Variants in TGM3 observed in about 807,000 individuals in gnomAD.
The protein encoded by TGM3 is transglutaminase 3.
A neutral mutation model predicts 73.8 loss-of-function variants in TGM3; 52 were observed. The observed-to-expected ratio is 0.70, with a 90% confidence interval of 0.56 to 0.89. The LOEUF (loss-of-function observed/expected upper bound fraction) is 0.89, where lower values mean the gene tolerates loss of function less well. TGM3 is among the 40% of genes least tolerant of loss of function. The pLI is 0.00. For missense variants in TGM3, 928 were observed against 909.9 expected (o/e 1.02, Z -0.26); for synonymous variants, 372 against 354.9 (o/e 1.05, Z -0.54).
chr20:2,340,315 C>T (rs2084374368), intron 12 of TGM3, 119 bp from the exon 13 acceptor site: 2 of 1,431,896 alleles, frequency 1.4e-6, no homozygotes, highest in Admixed American at 2.0e-5. Context: ...CTAGAGGGAG[C>T]TAAAGAAGCA....
At chr20:2,326,848 A>G (rs1451467213) in intron 8 of TGM3, among the ~76,000 whole-genome samples, 2 of 110,172 alleles carry the variant, frequency 1.8e-5, no homozygotes, top group Non-Finnish European at 3.2e-5. Flanking sequence ...GACTCCGTCT[A>G]AAAAAAAAAA....
chr20:2,313,118 T>G, intron 5 of TGM3, 92 bp downstream of exon 5: 1 of 1,539,326 alleles, frequency 6.5e-7, no homozygotes. Flanking sequence ...ATATGTCATC[T>G]CATTAAAGCC....
chr20:2,304,297 G>A (rs1341367296), intron 1 of TGM3, among the ~76,000 whole-genome samples: 1 of 152,164 alleles, frequency 6.6e-6, no homozygotes, highest in Non-Finnish European at 1.5e-5. Context: ...GGGACAGGAC[G>A]ATGACTGAGG....
chr20:2,322,705 G>T (rs2084268357), intron 7 of TGM3, among the ~76,000 whole-genome samples: 1 of 152,090 alleles, frequency 6.6e-6, no homozygotes, highest in Non-Finnish European at 1.5e-5. Context: ...GTTGAATGGG[G>T]AATAATAATC....
At chr20:2,331,895 C>T in intron 9 of TGM3, 107 bp from the exon 10 acceptor site, 17 of 1,311,424 alleles carry the variant, frequency 1.3e-5, no homozygotes, top group Non-Finnish European at 1.8e-5. Flanking sequence ...GCTAGGGCAG[C>T]AATGGAGCCA....
chr20:2,340,040 G>GA (rs1432135324), intron 12 of TGM3, 53 bp downstream of exon 12: 25 of 944,862 alleles, frequency 2.6e-5, no homozygotes, highest in Admixed American at 1.7e-4. Flanking sequence ...GGGCGGGGGG[G>GA]CCCTCCAGAT....
intron 1 of TGM3, among the ~76,000 whole-genome samples, chr20:2,307,496 A>G (rs974423565): frequency 6.6e-6 from 1 of 151,796 alleles, no homozygotes; most frequent in African/African-American, 2.4e-5. Flanking sequence ...ACCCGGCAAA[A>G]TTCTCTCTCC....
intron 7 of TGM3, among the ~76,000 whole-genome samples, chr20:2,318,577 G>A (rs1391168669): frequency 1.3e-5 from 2 of 152,174 alleles, no homozygotes; most frequent in African/African-American, 4.8e-5. Flanking sequence ...GTCTATATCT[G>A]TAGATACACA....
chr20:2,309,784 C>T lies in TGM3; in HGVS notation c.135C>T (p.Asn45=). The T allele has an allele frequency of 6.2e-7, 1 of 1,614,224 alleles. No individual in the cohort carries two copies. Among genetic ancestry groups the T allele is most frequent in the Non-Finnish European group, 8.5e-7 (1 of 1,180,030 alleles). The change falls in exon 2 of 13, where the codon AAC becomes AAT. Residue 45 remains asparagine, a synonymous_variant. Transcript: ENST00000381458. ...GQNFQVLMIM[N]KGLGSNERLE... is the part of the protein sequence containing the mutation. ...ACTTCCAGGTCTTAATGATCATGAA[C>T]AAAGGCCTTGGCTCTAACGAAAGAC...
chr20:2,304,540 C>A (rs2084167810), intron 1 of TGM3, among the ~76,000 whole-genome samples: 1 of 152,186 alleles, frequency 6.6e-6, no homozygotes, highest in Non-Finnish European at 1.5e-5. Context: ...ACTTAGGGCA[C>A]CTTCTGGACT....
intron 11 of TGM3, among the ~76,000 whole-genome samples, chr20:2,338,842 T>G (rs1212308957): frequency 6.6e-6 from 1 of 152,256 alleles, no homozygotes; most frequent in Non-Finnish European, 1.5e-5. Flanking sequence ...TGACCCCTTC[T>G]GGGAGGGAAG....
At position 2,309,776 on chromosome 20, in the gene TGM3, A is replaced by G. The variant is rs1265197596; in HGVS notation, c.127A>G (p.Ile43Val). The G allele has an allele frequency of 1.9e-6, 3 of 1,614,200 alleles. No individual in the cohort carries two copies. The highest frequency in any genetic ancestry group is 2.5e-6 in the Non-Finnish European group (3 of 1,180,032). The stretch of plus-strand genomic sequence containing the variant: ...AGGCCAAAACTTCCAGGTCTTAATG[A>G]TCATGAACAAAGGCCTTGGCTCTAA... ...RRGQNFQVLM[I>V]MNKGLGSNER... Residue 43 changes from isoleucine (I) to valine (V), a missense_variant, in exon 2 of 13, where the codon ATC (isoleucine) becomes GTC (valine). Physicochemically the swap from Ile to Val is conservative, Grantham distance 29. Transcript: ENST00000381458.
intron 7 of TGM3, among the ~76,000 whole-genome samples, chr20:2,323,219 C>A (rs2084270747): frequency 6.6e-6 from 1 of 152,178 alleles, no homozygotes; most frequent in Non-Finnish European, 1.5e-5. Context: ...CCCTTCCCAC[C>A]TTTTCTCTCT....
At chr20:2,307,395 C>T (rs1012267676) in intron 1 of TGM3, among the ~76,000 whole-genome samples, 1 of 152,084 alleles carries the variant, frequency 6.6e-6, no homozygotes, top group Non-Finnish European at 1.5e-5. Flanking sequence ...CTCCACGCAG[C>T]GCCCCTGCTC....
At chr20:2,325,826 G>A in intron 7 of TGM3, 23 bp from the exon 8 acceptor site, 1 of 1,520,798 alleles carries the variant, frequency 6.6e-7, no homozygotes, top group Non-Finnish European at 8.9e-7. Context: ...GGCAAGCGCT[G>A]CAGTCTCTGG....
intron 1 of TGM3, among the ~76,000 whole-genome samples, chr20:2,307,287 T>G (rs1413560403): frequency 6.6e-6 from 1 of 152,118 alleles, no homozygotes; most frequent in Non-Finnish European, 1.5e-5. Flanking sequence ...AGAGGGTACC[T>G]ATGGTGACCC....
chr20:2,322,996 T>C (rs2084269578), intron 7 of TGM3, among the ~76,000 whole-genome samples: 1 of 152,216 alleles, frequency 6.6e-6, no homozygotes, highest in African/African-American at 2.4e-5. Context: ...TTCTCCAATG[T>C]TTTATGTATA....
At chr20:2,314,664 T>G (rs570728462) in intron 5 of TGM3, among the ~76,000 whole-genome samples, 1 of 151,968 alleles carries the variant, frequency 6.6e-6, no homozygotes, top group Non-Finnish European at 1.5e-5. Context: ...CAGGCTGCAG[T>G]GATCTGTGAT....
rs1238701038 is a variant in TGM3 at position 2,328,274 on chromosome 20, G to C, written c.1242G>C (p.Val414=). The C allele has an allele frequency of 6.2e-7, 1 of 1,614,174 alleles. No homozygotes were observed. The highest frequency in any genetic ancestry group is 8.5e-7 in the Non-Finnish European group (1 of 1,180,044). Reference sequence around the variant, plus strand: ...CTGGCAAACAGTGGAAGAATTCCGTGAACAGTCACACCATTGGCAGGTACA... The same window carrying C: ...CTGGCAAACAGTGGAAGAATTCCGTCAACAGTCACACCATTGGCAGGTACA... ...NTTGKQWKNS[V]NSHTIGRYIS... is the part of the protein sequence containing the mutation. Residue 414 remains valine, a synonymous_variant, in exon 9 of 13, where the codon GTG becomes GTC. Transcript: ENST00000381458. The surrounding 1 kb of genome is among the most constrained non-coding windows in gnomAD (Gnocchi z 5.2).
Sources: allele counts gnomAD v4.1 joint callset (sites outside exome capture counted in the v4.1 genomes callset), GRCh38; gene constraint gnomAD v4.1.1; non-coding constraint Gnocchi (gnomAD v3.1); transcripts MANE v1.5; gene names NCBI Gene and HGNC (gene_info 2026-07-23, HGNC 2026-07-21).